ADAMTS3: variants seen among roughly 807,000 people sequenced by gnomAD.
ADAMTS3 encodes ADAM metallopeptidase with thrombospondin type 1 motif 3, also known as A disintegrin and metalloproteinase with thrombospondin motifs 3.
ADAMTS3 carries 73 observed loss-of-function variants against 129.0 expected under a neutral mutation model. That is an observed-to-expected ratio of 0.57 (90% CI 0.47 to 0.69). ADAMTS3 has a LOEUF of 0.69. ADAMTS3 is among the 30% of genes least tolerant of loss of function. ADAMTS3 has a pLI of 0.00. For missense variants in ADAMTS3, 1,457 were observed against 1,514.5 expected (o/e 0.96, Z 0.63); for synonymous variants, 477 against 510.8 (o/e 0.93, Z 0.89).
chr4:72,450,922 GGGAAGGAAGGAA>G (rs4019789), intron 3 of ADAMTS3, among the ~76,000 whole-genome samples: 13 of 144,218 alleles, frequency 9.0e-5, no homozygotes, highest in Non-Finnish European at 1.8e-4. Context: ...GAGGAGAGCA[GGGAAGGAAGGAA>G]GGAAGGAAGG....
intron 4 of ADAMTS3, among the ~76,000 whole-genome samples, chr4:72,388,314 G>A (rs1721498852): frequency 6.6e-6 from 1 of 152,164 alleles, no homozygotes; most frequent in Non-Finnish European, 1.5e-5. Context: ...TCTATGATAG[G>A]CCAGGAGAGG....
chr4:72,517,295 C>A (rs867367893), intron 3 of ADAMTS3, among the ~76,000 whole-genome samples: 4 of 152,206 alleles, frequency 2.6e-5, no homozygotes, highest in South Asian at 4.2e-4. Flanking sequence ...GTCTAAAATT[C>A]TCTTTTTTGG....
In ADAMTS3 at chr4:72,440,773, TG is replaced by T. The variant is rs564022263; in HGVS notation, c.505-25803del. Among the ~76,000 whole-genome samples, 3 of 151,952 alleles carry T rather than the reference TG, an allele frequency of 2.0e-5. No homozygotes were observed. The South Asian group carries it at 6.2e-4, about 31-fold the overall frequency. Reference sequence around the variant, plus strand: ...CTGAAATTTCTCCCTGCATGAATTTTGTCCATCCATAATCAAAATAATTTCA... The same window carrying T: ...CTGAAATTTCTCCCTGCATGAATTTTTCCATCCATAATCAAAATAATTTCA... On this transcript the variant is annotated intron_variant, in intron 3 of 21. Transcript: ENST00000286657.
chr4:72,364,032 A>C (rs1194296002), intron 4 of ADAMTS3, among the ~76,000 whole-genome samples: 1 of 152,182 alleles, frequency 6.6e-6, no homozygotes, highest in Non-Finnish European at 1.5e-5. Context: ...TTAAAAAAAC[A>C]CATTATTTTG....
Position 72,323,072 on chromosome 4 carries a change from G to A in ADAMTS3, c.887C>T (p.Ser296Phe). Reference sequence around the variant, plus strand: ...GACCACATTTATATGCACTCCGAGGGACTCATCATGGTAAATTTCATTCAC... The same window carrying A: ...GACCACATTTATATGCACTCCGAGGAACTCATCATGGTAAATTTCATTCAC... ...NIVNEIYHDE[S>F]LGVHINVVLV... The change falls in exon 6 of 22, where the codon TCC becomes TTC. Residue 296 changes from serine (S) to phenylalanine (F), a missense_variant. Physicochemically the swap from Ser to Phe is radical, Grantham distance 155. Coordinates refer to ENST00000286657, the MANE Select transcript of ADAMTS3 (RefSeq NM_014243.3). 6.2e-7 allele frequency: 1 copy of A among 1,613,280 alleles called. No individual in the cohort carries two copies. Among genetic ancestry groups the A allele is most frequent in the Non-Finnish European group, 8.5e-7 (1 of 1,179,534 alleles).
At chr4:72,355,740 C>A (rs1204520118) in intron 4 of ADAMTS3, among the ~76,000 whole-genome samples, 1 of 151,998 alleles carries the variant, frequency 6.6e-6, no homozygotes, top group Non-Finnish European at 1.5e-5. Flanking sequence ...TCCCAGCCAG[C>A]AGAACTGTGA....
At chr4:72,309,661 T>C in intron 14 of ADAMTS3, 141 bp from the exon 15 acceptor site, 1 of 822,464 alleles carries the variant, frequency 1.2e-6, no homozygotes, top group Non-Finnish European at 1.8e-6. Flanking sequence ...TCATAATTTT[T>C]AATACCTCAG....
intron 3 of ADAMTS3, among the ~76,000 whole-genome samples, chr4:72,477,020 G>A (rs571161885): frequency 6.6e-6 from 1 of 151,964 alleles, no homozygotes; most frequent in Non-Finnish European, 1.5e-5. Flanking sequence ...AGGAGTAGAA[G>A]GGAACTTCCT....
intron 3 of ADAMTS3, among the ~76,000 whole-genome samples, chr4:72,421,541 G>C (rs1176953431): frequency 6.6e-6 from 1 of 152,210 alleles, no homozygotes; most frequent in Non-Finnish European, 1.5e-5. Context: ...AACCCAAGAA[G>C]AGTGTCATGG....
At chr4:72,461,118 G>A (rs894781072) in intron 3 of ADAMTS3, among the ~76,000 whole-genome samples, 1 of 151,556 alleles carries the variant, frequency 6.6e-6, no homozygotes, top group African/African-American at 2.4e-5. Context: ...CTCCCAATAC[G>A]GGAGTCTCAT....
chr4:72,328,560 G>C (rs906332411), intron 5 of ADAMTS3, among the ~76,000 whole-genome samples: 7 of 152,112 alleles, frequency 4.6e-5, no homozygotes, highest in African/African-American at 1.7e-4. Context: ...GTGATGCTGG[G>C]CATGTTATTT....
intron 3 of ADAMTS3, among the ~76,000 whole-genome samples, chr4:72,422,032 A>G (rs1722459993): frequency 1.3e-5 from 2 of 152,304 alleles, no homozygotes; most frequent in South Asian, 4.1e-4. Flanking sequence ...TAAAAAATTC[A>G]CATTCCTGCT....
At chr4:72,427,661 A>G (rs761200030) in intron 3 of ADAMTS3, among the ~76,000 whole-genome samples, 1 of 152,104 alleles carries the variant, frequency 6.6e-6, no homozygotes, top group Non-Finnish European at 1.5e-5. Flanking sequence ...AAAAAAGAAG[A>G]GAAGAAAGGT....
intron 4 of ADAMTS3, among the ~76,000 whole-genome samples, chr4:72,402,395 A>G (rs1290240737): frequency 1.3e-5 from 2 of 152,236 alleles, no homozygotes; most frequent in Admixed American, 1.3e-4. Flanking sequence ...TGATAAATAA[A>G]TGATAACAAT....
At chr4:72,313,146 G>A (rs966471618) in intron 12 of ADAMTS3, among the ~76,000 whole-genome samples, 13 of 152,126 alleles carry the variant, frequency 8.5e-5, no homozygotes, top group Non-Finnish European at 1.5e-5. Flanking sequence ...GAATTCAGTT[G>A]TTTTTTTCTT....
At chr4:72,324,623 A>C (rs1719654222) in intron 5 of ADAMTS3, among the ~76,000 whole-genome samples, 1 of 152,168 alleles carries the variant, frequency 6.6e-6, no homozygotes, top group Admixed American at 6.6e-5. Flanking sequence ...GTAAGACCCA[A>C]TTTAATACCT....
At chr4:72,306,450 T>C (rs1242610451) in intron 15 of ADAMTS3, among the ~76,000 whole-genome samples, 1 of 152,038 alleles carries the variant, frequency 6.6e-6, no homozygotes, top group Non-Finnish European at 1.5e-5. Context: ...AAAGTTCACT[T>C]AAGTTGTAAA....
chr4:72,550,793 G>A (rs1253944920), intron 2 of ADAMTS3, among the ~76,000 whole-genome samples: 1 of 152,162 alleles, frequency 6.6e-6, no homozygotes, highest in Admixed American at 6.5e-5. Context: ...GGTGCAGAGT[G>A]ACAGAGGGGA....
intron 4 of ADAMTS3, among the ~76,000 whole-genome samples, chr4:72,395,029 A>G (rs1272780181): frequency 1.3e-5 from 2 of 151,726 alleles, no homozygotes; most frequent in East Asian, 1.9e-4. Flanking sequence ...GGTGCAAGCT[A>G]TTCTCCTGCC....
Sources: gnomAD v4.1 joint callset for allele counts (sites outside exome capture counted in the v4.1 genomes callset) on GRCh38, gnomAD v4.1.1 for gene constraint, MANE v1.5 for transcripts, NCBI Gene and HGNC (gene_info 2026-07-23, HGNC 2026-07-21) for gene names.